The following GFRA2 variants were observed in gnomAD, a reference collection of about 807,000 sequenced individuals.
GFRA2 encodes the protein GDNF family receptor alpha 2, also known as GDNF family receptor alpha-2.
A neutral mutation model predicts 48.3 loss-of-function variants in GFRA2; 17 were observed. That is an observed-to-expected ratio of 0.35 (90% CI 0.24 to 0.53). The LOEUF is 0.53. GFRA2 is among the 20% of genes least tolerant of loss of function. The pLI is 0.93. For missense variants in GFRA2, 660 were observed against 637.3 expected (o/e 1.04, Z -0.38); for synonymous variants, 305 against 257.2 (o/e 1.19, Z -1.78).
At chr8:21,805,506 G>A (rs1403671547) in intron 1 of GFRA2, among the ~76,000 whole-genome samples, 1 of 152,192 alleles carries the variant, frequency 6.6e-6, no homozygotes, top group Non-Finnish European at 1.5e-5. Flanking sequence ...GTAGAGTCAT[G>A]CAGAATAAGA....
intron 3 of GFRA2, among the ~76,000 whole-genome samples, chr8:21,768,734 C>T (rs1182894531): frequency 6.6e-6 from 1 of 152,116 alleles, no homozygotes; most frequent in Non-Finnish European, 1.5e-5. Context: ...AGTCTCTCCC[C>T]ACACCAAGGA....
intron 2 of GFRA2, among the ~76,000 whole-genome samples, chr8:21,798,540 A>G (rs78543306): frequency 0.012 from 1,822 of 152,294 alleles, 55 homozygotes; most frequent in East Asian, 0.12. Flanking sequence ...CCAGCTGACC[A>G]TGTGACTTTA....
chr8:21,707,334 T>A (rs1227719228), intron 4 of GFRA2, among the ~76,000 whole-genome samples: 3 of 152,014 alleles, frequency 2.0e-5, no homozygotes, highest in Admixed American at 6.5e-5. Flanking sequence ...CCTGTCCCAT[T>A]TGGGAAAGGA....
chr8:21,749,786 T>C (rs1805188753), intron 4 of GFRA2, among the ~76,000 whole-genome samples: 1 of 151,592 alleles, frequency 6.6e-6, no homozygotes, highest in African/African-American at 2.4e-5. Flanking sequence ...GAATCCTGTC[T>C]TTACCACTCA....
chr8:21,767,694 T>G (rs1186205978), intron 3 of GFRA2, among the ~76,000 whole-genome samples: 1 of 134,102 alleles, frequency 7.5e-6, no homozygotes, highest in Non-Finnish European at 1.6e-5. Flanking sequence ...GGTGGCTCCC[T>G]GGAAGATGTT....
intron 4 of GFRA2, among the ~76,000 whole-genome samples, chr8:21,732,590 G>A (rs1804250779): frequency 1.3e-5 from 2 of 152,376 alleles, no homozygotes; most frequent in South Asian, 4.1e-4. Flanking sequence ...AGACCAGCAG[G>A]AGGAGGTGCA....
At chr8:21,770,709 T>C (rs35394712) in intron 3 of GFRA2, among the ~76,000 whole-genome samples, 60,298 of 151,684 alleles carry the variant, frequency 0.4, 12,331 homozygotes, top group African/African-American at 0.49. Flanking sequence ...CCCACCACTT[T>C]TCCCTGTCCT....
intron 2 of GFRA2, 141 bp from the exon 3 acceptor site, chr8:21,775,196 A>C (rs1189563970): frequency 1.9e-5 from 12 of 624,168 alleles, no homozygotes; most frequent in Non-Finnish European, 3.2e-5. Context: ...AGCCCTTCCC[A>C]AAGTGAAGAG....
At chr8:21,759,979 C>T (rs1432265842) in intron 3 of GFRA2, among the ~76,000 whole-genome samples, 1 of 151,324 alleles carries the variant, frequency 6.6e-6, no homozygotes, top group Non-Finnish European at 1.5e-5. Context: ...ACTAAAATGG[C>T]GGGCAGGAAT....
At position 21,725,414 on chromosome 8, in the gene GFRA2, G is replaced by C. The variant is rs140755382; in HGVS notation, c.795-19373C>G. ...GCCCAGTGAATGCCCAGCCTGGGGC[G>C]GGGGGACAGACACCAGTATGCTGAG... On this transcript the variant is annotated intron_variant, in intron 4 of 8. Coordinates refer to ENST00000524240, the MANE Select transcript of GFRA2 (RefSeq NM_001495.5). Among the ~76,000 whole-genome samples, 659 of 152,322 alleles carry C rather than the reference G, an allele frequency of 4.3e-3. 4 individuals carry two copies. Among genetic ancestry groups the C allele is most frequent in the African/African-American group, 0.015 (644 of 41,568 alleles).
At position 21,788,288 on chromosome 8, in the gene GFRA2, G is replaced by C; in HGVS notation, c.-129C>G. ...AAATCCAATGCGGAGATCCCAGCTAGTCCACCCGATGAAGATCCCGAGTCC... is the reference window on the plus strand; with the variant it reads ...AAATCCAATGCGGAGATCCCAGCTACTCCACCCGATGAAGATCCCGAGTCC... On this transcript the variant is annotated 5_prime_UTR_variant, in exon 1 of 9. Transcript: ENST00000524240. 1.4e-6 allele frequency: 2 copies of C among 1,397,428 alleles called. No homozygotes were observed. Among genetic ancestry groups the C allele is most frequent in the Non-Finnish European group, 1.9e-6 (2 of 1,071,934 alleles). The allele number at this position is 1,397,428 out of a possible 1,614,324, so 86.6% of individuals were successfully genotyped here. A position where few individuals can be genotyped will look rare whatever the true frequency, so the allele number is the denominator to read the frequency against.
intron 4 of GFRA2, among the ~76,000 whole-genome samples, chr8:21,728,073 T>C (rs1400978778): frequency 6.6e-6 from 1 of 152,016 alleles, no homozygotes; most frequent in East Asian, 1.9e-4. Context: ...AGTAATTTAG[T>C]TTGTTGGACT....
intron 3 of GFRA2, among the ~76,000 whole-genome samples, chr8:21,764,662 C>T (rs1044259858): frequency 3.9e-5 from 6 of 152,194 alleles, no homozygotes; most frequent in African/African-American, 1.4e-4. Flanking sequence ...CACATGGACC[C>T]CATCCCTCCT....
intron 4 of GFRA2, among the ~76,000 whole-genome samples, chr8:21,720,836 T>A (rs1004402269): frequency 1.3e-5 from 2 of 152,218 alleles, no homozygotes; most frequent in East Asian, 1.9e-4. Context: ...CACTGTATCA[T>A]AACTTACATT....
intron 7 of GFRA2, among the ~76,000 whole-genome samples, chr8:21,698,932 A>C (rs1802339820): frequency 6.6e-6 from 1 of 152,196 alleles, no homozygotes; most frequent in South Asian, 2.1e-4. Flanking sequence ...CAGGCCTAGC[A>C]GCAGGCACTG....
chr8:21,763,300 C>T lies in GFRA2; in HGVS notation c.439+11672G>A, dbSNP rs953111328. ...TGAAAGAAGTGGCTATTGGGCAGCT[C>T]ATGGATGGCTGGGGGCCTCCTTTCT... On this transcript the variant is annotated intron_variant, in intron 3 of 8. Coordinates refer to ENST00000524240, the MANE Select transcript of GFRA2 (RefSeq NM_001495.5). 4.6e-5 allele frequency among the ~76,000 whole-genome samples: 7 copies of T among 152,268 alleles called. No homozygotes were observed. The South Asian group carries it at 1.2e-3, about 27-fold the overall frequency.
Position 21,690,524 on chromosome 8 carries a change from G to C in GFRA2, c.*2754C>G, listed in dbSNP as rs1806177254. On this transcript the variant is annotated 3_prime_UTR_variant, in exon 9 of 9. Transcript: ENST00000524240. Reference sequence around the variant, plus strand: ...GTAAAATTTCAGCCATGTGATACTTGGATAGGGAGACATTTGAGGGCAGAG... The same window carrying C: ...GTAAAATTTCAGCCATGTGATACTTCGATAGGGAGACATTTGAGGGCAGAG... 1.3e-5 allele frequency: 2 copies of C among 152,200 alleles called. No homozygotes were observed. The highest frequency in any genetic ancestry group is 4.1e-4 in the South Asian group (2 of 4,828). 9.4% of individuals were successfully genotyped at this position (152,200 alleles called of 1,614,324 possible).
chr8:21,721,081 G>A (rs536677103), intron 4 of GFRA2, among the ~76,000 whole-genome samples: 1 of 152,170 alleles, frequency 6.6e-6, no homozygotes, highest in African/African-American at 2.4e-5. Context: ...GTGTCTGGAG[G>A]CATGGAGGAC....
At chr8:21,788,878 T>TCGCTCTCCTCTCTCCCTCCCC (rs1283119176), upstream of GFRA2, 1 of 800,312 alleles carries the variant, frequency 1.2e-6, no homozygotes, top group Non-Finnish European at 1.5e-6. Flanking sequence ...CAGCTCTCCC[T>TCGCTCTCCTCTCTCCCTCCCC]CGCTCTCCTC....
Sources: allele counts gnomAD v4.1 joint callset (sites outside exome capture counted in the v4.1 genomes callset), GRCh38; gene constraint gnomAD v4.1.1; transcripts MANE v1.5; gene names NCBI Gene and HGNC (gene_info 2026-07-23, HGNC 2026-07-21).